SEL1L3: variants seen among roughly 807,000 people sequenced by gnomAD.
The protein encoded by SEL1L3 is protein sel-1 homolog 3.
In SEL1L3, 76 loss-of-function variants were observed where a neutral mutation model predicts 142.8. The ratio of observed to expected loss-of-function variants is 0.53; its 90% CI spans 0.44 to 0.64. The LOEUF (loss-of-function observed/expected upper bound fraction) is 0.64. Among genes scored for constraint, SEL1L3 ranks in the 30% least tolerant of loss-of-function variants. The pLI is 0.00. For synonymous variants in SEL1L3, 504 were observed against 519.6 expected (o/e 0.97, Z 0.41); for missense variants, 1,262 against 1,381.7 (o/e 0.91, Z 1.37).
chr4:25,815,443 A>G (rs6839027), intron 9 of SEL1L3, among the ~76,000 whole-genome samples: 3,757 of 152,298 alleles, frequency 0.025, 132 homozygotes, highest in African/African-American at 0.086. Flanking sequence ...ATGGAAAACA[A>G]ATCATTCTAA....
At chr4:25,756,472 C>T (rs1717970530) in intron 23 of SEL1L3, 1 of 985,108 alleles carries the variant, frequency 1.0e-6, no homozygotes, top group African/African-American at 1.7e-5. Flanking sequence ...TGGTAAGTAT[C>T]TTACGTGCAT....
intron 20 of SEL1L3, among the ~76,000 whole-genome samples, chr4:25,763,185 G>GAA (rs34349674): frequency 3.7e-4 from 53 of 145,154 alleles, no homozygotes; most frequent in East Asian, 1.6e-3. Context: ...AATAAAAATT[G>GAA]AAAAAAAAAA....
chr4:25,821,862 A>G, intron 7 of SEL1L3, 134 bp downstream of exon 7: 2 of 910,502 alleles, frequency 2.2e-6, no homozygotes, highest in East Asian at 2.7e-5. Context: ...AAGCCTCAAT[A>G]TTAATGATGT....
intron 1 of SEL1L3, among the ~76,000 whole-genome samples, chr4:25,851,405 C>T (rs763311270): frequency 6.6e-6 from 1 of 152,072 alleles, no homozygotes; most frequent in Non-Finnish European, 1.5e-5. Flanking sequence ...ACTCACACCA[C>T]ACACACACAT....
chr4:25,811,574 A>G (rs905536262), intron 9 of SEL1L3, among the ~76,000 whole-genome samples: 2 of 152,176 alleles, frequency 1.3e-5, no homozygotes, highest in African/African-American at 4.8e-5. Flanking sequence ...CATTTACCCA[A>G]CAAAGATGTT....
chr4:25,772,484 C>A (rs1454517495), intron 17 of SEL1L3, among the ~76,000 whole-genome samples: 1 of 152,024 alleles, frequency 6.6e-6, no homozygotes, highest in African/African-American at 2.4e-5. Flanking sequence ...CCTAAGTTTA[C>A]ATTCTAGGGC....
At chr4:25,797,810 G>C (rs991690535) in intron 11 of SEL1L3, among the ~76,000 whole-genome samples, 3 of 152,220 alleles carry the variant, frequency 2.0e-5, no homozygotes, top group African/African-American at 7.2e-5. Context: ...AACAGATGAC[G>C]TCCTTGCCTC....
intron 11 of SEL1L3, among the ~76,000 whole-genome samples, chr4:25,797,102 T>C (rs1368074505): frequency 1.8e-5 from 2 of 113,172 alleles, no homozygotes; most frequent in African/African-American, 7.0e-5. Flanking sequence ...AGAAAGGAAG[T>C]GGAAAAGAGA....
At chr4:25,849,701 C>G (rs1209793459) in intron 1 of SEL1L3, among the ~76,000 whole-genome samples, 1 of 152,086 alleles carries the variant, frequency 6.6e-6, no homozygotes, top group Non-Finnish European at 1.5e-5. Flanking sequence ...CATATTTTTA[C>G]CACAATTTAA....
chr4:25,802,560 C>A, intron 10 of SEL1L3, 98 bp from the exon 11 acceptor site: 5 of 971,506 alleles, frequency 5.1e-6, no homozygotes, highest in Non-Finnish European at 7.6e-6. Context: ...TATATACAAT[C>A]CTAGCCATTC....
chr4:25,743,111 A>G (rs144264565), downstream of SEL1L3, among the ~76,000 whole-genome samples: 1 of 152,308 alleles, frequency 6.6e-6, no homozygotes, highest in East Asian at 1.9e-4. Flanking sequence ...AAAAGGGCAG[A>G]CCTAGTCAGC....
At chr4:25,792,670 TA>T (rs2109197194) in intron 11 of SEL1L3, among the ~76,000 whole-genome samples, 1 of 152,284 alleles carries the variant, frequency 6.6e-6, no homozygotes, top group South Asian at 2.1e-4. Flanking sequence ...TATTGCACTG[TA>T]AAAAAGAATG....
intron 9 of SEL1L3, among the ~76,000 whole-genome samples, chr4:25,810,067 C>T (rs1713913481): frequency 6.6e-6 from 1 of 152,200 alleles, no homozygotes; most frequent in Non-Finnish European, 1.5e-5. Flanking sequence ...GAAAGGGGCG[C>T]AGATGGTGTC....
At chr4:25,821,907 T>C (rs1348254030) in intron 7 of SEL1L3, 89 bp downstream of exon 7, 3 of 1,390,444 alleles carry the variant, frequency 2.2e-6, no homozygotes, top group East Asian at 5.0e-5. Context: ...CTGGCTTGGG[T>C]AAACTTTTAT....
intron 8 of SEL1L3, among the ~76,000 whole-genome samples, chr4:25,819,453 G>A (rs1374653141): frequency 6.6e-6 from 1 of 152,204 alleles, no homozygotes; most frequent in Non-Finnish European, 1.5e-5. Context: ...CATTTCTAAT[G>A]ATTAATTTAT....
At chr4:25,771,774 A>G (rs1354267366) in intron 17 of SEL1L3, among the ~76,000 whole-genome samples, 2 of 152,182 alleles carry the variant, frequency 1.3e-5, no homozygotes, top group Admixed American at 6.5e-5. Context: ...TAGATAAAAC[A>G]CATGTAGGGG....
the SEL1L3 span, among the ~76,000 whole-genome samples, chr4:25,739,486 C>T: frequency 2.6e-5 from 4 of 151,980 alleles, no homozygotes; most frequent in Admixed American, 2.0e-4. Flanking sequence ...GAGGGTAGAT[C>T]ACGAGGTCAA....
chr4:25,770,671 C>T (rs190539108), intron 17 of SEL1L3, among the ~76,000 whole-genome samples: 86 of 135,430 alleles, frequency 6.4e-4, no homozygotes, highest in East Asian at 4.5e-3. Context: ...ACCCAGGAGG[C>T]GGAGGTTGCA....
chr4:25,729,954 CCTT>C, the SEL1L3 span, among the ~76,000 whole-genome samples: 44 of 151,590 alleles, frequency 2.9e-4, no homozygotes, highest in Non-Finnish European at 4.9e-4. Flanking sequence ...CCCTCCTTCT[CCTT>C]CTTCTTCTTT....
Sources: gnomAD v4.1 joint callset for allele counts (sites outside exome capture counted in the v4.1 genomes callset) on GRCh38, gnomAD v4.1.1 for gene constraint, MANE v1.5 for transcripts, NCBI Gene and HGNC (gene_info 2026-07-23, HGNC 2026-07-21) for gene names.